LAMA1: variants seen among roughly 807,000 people sequenced by gnomAD.
LAMA1 encodes the protein laminin subunit alpha 1, also known as laminin subunit alpha-1.
A neutral mutation model predicts 348.7 loss-of-function variants in LAMA1; 219 were observed. The observed-to-expected ratio is 0.63, with a 90% CI of 0.56 to 0.70. The LOEUF is 0.70. Ranked by LOEUF, LAMA1 falls within the 30% of genes least tolerant of loss-of-function variation. The probability of loss-of-function intolerance (pLI) is 0.00; values close to 1 mark genes in which losing one functional copy is unlikely to be tolerated. For missense variants in LAMA1, 3,744 were observed against 3,888.0 expected (o/e 0.96, Z 0.99); for synonymous variants, 1,487 against 1,491.0 (o/e 1.00, Z 0.06).
At position 7,040,197 on chromosome 18, in the gene LAMA1, G is replaced by C; in HGVS notation, c.1301C>G (p.Thr434Arg). ...TTGGCAGCGATCACATTTTTCTCCT[G>C]TATAACCTTCCTTACATGGGCACTG... ...PGQCPCKEGY[T>R]GEKCDRCQLG... is the part of the protein sequence containing the mutation. Residue 434 changes from threonine (T) to arginine (R), a missense_variant, in exon 10 of 63, where the codon ACA (threonine) becomes AGA (arginine). By Grantham distance (71) the Thr-to-Arg change is moderately conservative (BLOSUM62 -1). Coordinates refer to ENST00000389658, the MANE Select transcript of LAMA1 (RefSeq NM_005559.4). 6.2e-7 allele frequency: 1 copy of C among 1,614,130 alleles called. No homozygotes were observed. The highest frequency in any genetic ancestry group is 8.5e-7 in the Non-Finnish European group (1 of 1,180,028).
At position 6,958,675 on chromosome 18, in the gene LAMA1, T is replaced by C. The variant is rs765619817; in HGVS notation, c.7779-13A>G. 11 of 1,603,290 alleles carry C rather than the reference T, an allele frequency of 6.9e-6. No homozygotes were observed. The highest frequency in any genetic ancestry group is 1.3e-5 in the African/African-American group (1 of 74,588). On this transcript the variant is annotated splice_polypyrimidine_tract_variant and intron_variant, in intron 54 of 62. Coordinates refer to ENST00000389658, the MANE Select transcript of LAMA1 (RefSeq NM_005559.4). ...GACAGTGATAATTCTAAAAGACCAA[T>C]GGAGAAAATAAATGAAAAGCTTTAA...
intron 40 of LAMA1, 138 bp downstream of exon 40, chr18:6,982,961 T>C: frequency 8.8e-7 from 1 of 1,132,632 alleles, no homozygotes; most frequent in African/African-American, 1.5e-5. Context: ...ACAGATCATA[T>C]GATGACAGAA....
In LAMA1 at chr18:7,098,421, C is replaced by T. The variant is rs572378851; in HGVS notation, c.62-17964G>A. Among the ~76,000 whole-genome samples the T allele has an allele frequency of 2.5e-3, 379 of 151,080 alleles. 1 individual carries two copies. The highest frequency in any genetic ancestry group is 7.4e-3 in the African/African-American group (303 of 41,076). ...GAAGTGAGGAGCACCTCTTCCCGGC[C>T]GCCATCACATCTAGGAAGTGAGGAG... On this transcript the variant is annotated intron_variant, in intron 1 of 62. Coordinates refer to ENST00000389658, the MANE Select transcript of LAMA1 (RefSeq NM_005559.4).
chr18:6,982,275 G>T (rs1246482198), intron 41 of LAMA1, among the ~76,000 whole-genome samples: 1 of 152,068 alleles, frequency 6.6e-6, no homozygotes, highest in African/African-American at 2.4e-5. Context: ...GCACAATAAA[G>T]GAACAGATAT....
intron 33 of LAMA1, among the ~76,000 whole-genome samples, chr18:6,996,082 A>C (rs1286815908): frequency 6.6e-6 from 1 of 152,198 alleles, no homozygotes; most frequent in African/African-American, 2.4e-5. Context: ...AGACTGGCAG[A>C]TATTATACTG....
intron 46 of LAMA1, 120 bp from the exon 47 acceptor site, chr18:6,973,327 C>G: frequency 2.3e-6 from 2 of 860,438 alleles, no homozygotes; most frequent in Non-Finnish European, 3.8e-6. Flanking sequence ...CAGCACCCCC[C>G]TGCTGGCCTC....
Position 6,976,070 on chromosome 18 carries a change from G to A in LAMA1, c.6356C>T (p.Ala2119Val), listed in dbSNP as rs2144037135. ...ARKQAASIKV[A>V]VSADRDCIRA... is the part of the protein sequence containing the mutation. ...GATGCAATCTCTGTCTGCAGACACG[G>A]CGACTTTAATCTGTAGAAGGAAAAT... Residue 2119 changes from alanine to valine, a missense_variant, in exon 45 of 63, where the codon GCC becomes GTC. Coordinates refer to ENST00000389658, the MANE Select transcript of LAMA1 (RefSeq NM_005559.4). 2 of 1,614,134 alleles carry A rather than the reference G, an allele frequency of 1.2e-6. No homozygotes were observed. Among genetic ancestry groups the A allele is most frequent in the South Asian group, 1.1e-5 (1 of 91,088 alleles).
intron 42 of LAMA1, among the ~76,000 whole-genome samples, chr18:6,978,603 T>C (rs1455863771): frequency 1.3e-5 from 2 of 152,214 alleles, no homozygotes; most frequent in African/African-American, 4.8e-5. Flanking sequence ...TATCATATGC[T>C]CTACTATCCC....
chr18:7,069,909 C>A (rs2058139054), intron 3 of LAMA1, among the ~76,000 whole-genome samples: 1 of 152,072 alleles, frequency 6.6e-6, no homozygotes. Context: ...TAAATCCTGA[C>A]CCCACTGAAA....
intron 1 of LAMA1, among the ~76,000 whole-genome samples, chr18:7,098,048 G>A (rs902520296): frequency 1.3e-5 from 2 of 150,618 alleles, no homozygotes; most frequent in Admixed American, 6.6e-5. Flanking sequence ...ACGGGGTTTC[G>A]CTGTGTTGGC....
intron 14 of LAMA1, 83 bp downstream of exon 14, chr18:7,034,396 T>C (rs2057984799): frequency 7.0e-6 from 7 of 1,003,912 alleles, no homozygotes; most frequent in Non-Finnish European, 9.3e-6. Flanking sequence ...GTAAAATACG[T>C]TGAGCTTTAA....
At position 6,997,807 on chromosome 18, in the gene LAMA1, T is replaced by G. The variant is rs148171853; in HGVS notation, c.4741A>C (p.Thr1581Pro). ...IGDAVLSLNL[T>P]GIIPVPYGIL... ...CCATATGGGACAGGGATAATGCCAG[T>G]GAGGTTCAGAGAAAGAACGGCATCA... The change falls in exon 33 of 63, where the codon ACT (threonine) becomes CCT (proline). Residue 1581 changes from threonine to proline, a missense_variant. Thr to Pro is a conservative substitution (Grantham distance 38). This residue lies in a region of LAMA1 where 1,983 missense variants were observed against 1,934.3 expected (regional missense o/e 1.03). Transcript: ENST00000389658. 1 of 1,613,950 alleles carries G rather than the reference T, an allele frequency of 6.2e-7. No homozygotes were observed. Among genetic ancestry groups the G allele is most frequent in the Non-Finnish European group, 8.5e-7 (1 of 1,179,852 alleles).
chr18:7,003,930 C>G (rs1258413001), intron 29 of LAMA1, among the ~76,000 whole-genome samples: 1 of 152,176 alleles, frequency 6.6e-6, no homozygotes, highest in Admixed American at 6.5e-5. Context: ...TCAAACTCAT[C>G]TCTCTGTAGA....
At chr18:7,102,472 C>T (rs1053149770) in intron 1 of LAMA1, among the ~76,000 whole-genome samples, 1 of 152,018 alleles carries the variant, frequency 6.6e-6, no homozygotes, top group Admixed American at 6.6e-5. Context: ...TCAGCAAATG[C>T]CAACAAGTCT....
intron 1 of LAMA1, among the ~76,000 whole-genome samples, chr18:7,116,392 T>C (rs1328776879): frequency 6.6e-6 from 1 of 152,210 alleles, no homozygotes; most frequent in Non-Finnish European, 1.5e-5. Flanking sequence ...CTGATAACTA[T>C]GTAAATTCCC....
chr18:6,988,474 T>C (rs1173952954), intron 36 of LAMA1, among the ~76,000 whole-genome samples: 3 of 152,192 alleles, frequency 2.0e-5, no homozygotes, highest in African/African-American at 2.4e-5. Flanking sequence ...CTCTCCTTAG[T>C]AGACACTGTG....
In LAMA1 at chr18:6,948,519, G is replaced by GTCA; in HGVS notation, c.8591_8593dup (p.Val2864_Thr2865insMet). On this transcript the variant is annotated inframe_insertion, in exon 60 of 63. Coordinates refer to ENST00000389658, the MANE Select transcript of LAMA1 (RefSeq NM_005559.4). Reference sequence around the variant, plus strand: ...CTTGTCCAGCTGTTTGCTGTTAACCGTCACATCCCCAATGCAGGCAGGGAT... The same window carrying GTCA: ...CTTGTCCAGCTGTTTGCTGTTAACCGTCATCACATCCCCAATGCAGGCAGGGAT... 6.2e-7 allele frequency: 1 copy of GTCA among 1,614,172 alleles called. No individual in the cohort carries two copies. The highest frequency in any genetic ancestry group is 8.5e-7 in the Non-Finnish European group (1 of 1,180,038).
intron 1 of LAMA1, among the ~76,000 whole-genome samples, chr18:7,098,486 C>T (rs2058273310): frequency 1.3e-5 from 2 of 150,328 alleles, no homozygotes; most frequent in African/African-American, 4.9e-5. Context: ...ATGTGGGGAG[C>T]GCCTCTGCCC....
At chr18:7,004,495 T>A (rs1022590039) in intron 29 of LAMA1, among the ~76,000 whole-genome samples, 2 of 152,074 alleles carry the variant, frequency 1.3e-5, no homozygotes, top group Non-Finnish European at 1.5e-5. Context: ...TGGGATTACA[T>A]GCATGAGCCA....
Sources: allele counts gnomAD v4.1 joint callset (sites outside exome capture counted in the v4.1 genomes callset), GRCh38; gene constraint gnomAD v4.1.1; regional missense constraint gnomAD v4.1.1; transcripts MANE v1.5; gene names NCBI Gene and HGNC (gene_info 2026-07-23, HGNC 2026-07-21).